Variants in LHPP observed in about 807,000 individuals in gnomAD.
The protein encoded by LHPP is hLHPP.
Under a neutral mutation model 30.3 loss-of-function variants are expected in LHPP, and 24 were observed. That is an observed-to-expected ratio of 0.79 (90% CI 0.57 to 1.11). LHPP has a LOEUF of 1.11. Ranked by LOEUF, LHPP falls within the 50% of genes most tolerant of loss-of-function variation. The pLI is 0.00. For missense variants in LHPP, 356 were observed against 367.2 expected (o/e 0.97, Z 0.25); for synonymous variants, 150 against 157.1 (o/e 0.95, Z 0.34).
intron 1 of LHPP, among the ~76,000 whole-genome samples, chr10:124,470,681 C>CAAT (rs71026092): frequency 1.9e-4 from 29 of 150,888 alleles, no homozygotes; most frequent in African/African-American, 6.8e-4. Flanking sequence ...ACAACAACAA[C>CAAT]AATAATAATA....
chr10:124,612,404 C>CA (rs1425471933), intron 6 of LHPP, among the ~76,000 whole-genome samples: 2 of 151,492 alleles, frequency 1.3e-5, no homozygotes, highest in Admixed American at 6.6e-5. Context: ...CACTTGGTCT[C>CA]AAAAAAATAA....
chr10:124,529,350 C>T (rs1341408340), intron 6 of LHPP, among the ~76,000 whole-genome samples: 9 of 151,964 alleles, frequency 5.9e-5, no homozygotes, highest in South Asian at 2.1e-4. Flanking sequence ...CCTGAAAGTG[C>T]GGGGTTATTA....
chr10:124,566,201 G>A (rs868188855), intron 6 of LHPP, among the ~76,000 whole-genome samples: 2 of 152,246 alleles, frequency 1.3e-5, no homozygotes, highest in Admixed American at 6.5e-5. Context: ...CCTGGAGACC[G>A]GGCGTGTGGT....
chr10:124,507,878 AGGCAGGATTTCAGGTCGGGG>A (rs1219749204), intron 5 of LHPP, among the ~76,000 whole-genome samples: 2 of 54,194 alleles, frequency 3.7e-5, no homozygotes, highest in South Asian at 7.7e-4. Context: ...GTGGGGGGGT[AGGCAGGATTTCAGGTCGGGG>A]GGGTAGACAG....
intron 6 of LHPP, among the ~76,000 whole-genome samples, chr10:124,587,952 G>A (rs1589697423): frequency 6.6e-6 from 1 of 152,148 alleles, no homozygotes. Context: ...AGACCCACCC[G>A]GTGGAGCTGG....
chr10:124,493,134 G>T (rs192877067), intron 3 of LHPP, among the ~76,000 whole-genome samples: 118 of 146,674 alleles, frequency 8.0e-4, no homozygotes, highest in Admixed American at 1.8e-3. Context: ...AAAAAAAACC[G>T]GAAGCAGTCG....
chr10:124,612,647 G>T (rs1159574517), intron 6 of LHPP, among the ~76,000 whole-genome samples: 1 of 152,232 alleles, frequency 6.6e-6, no homozygotes, highest in Non-Finnish European at 1.5e-5. Flanking sequence ...CTGGGGAATG[G>T]CTGAAGGCTT....
Position 124,613,533 on chromosome 10 carries a change from CCT to C in LHPP, c.*174_*175del. On this transcript the variant is annotated 3_prime_UTR_variant, in exon 7 of 7. Transcript: ENST00000368842. ...CCCCAGTGCCCAGACCAACCAAGGCCCTGACAGCCCTGCCTTCTGCCCTCTGC... is the reference window on the plus strand; with the variant it reads ...CCCCAGTGCCCAGACCAACCAAGGCCGACAGCCCTGCCTTCTGCCCTCTGC... The C allele has an allele frequency of 1.6e-6, 1 of 629,142 alleles. No individual in the cohort carries two copies. The highest frequency in any genetic ancestry group is 2.9e-6 in the Non-Finnish European group (1 of 346,152). 39.0% of individuals were successfully genotyped at this position (629,142 alleles called of 1,614,324 possible). A position where few individuals can be genotyped will look rare whatever the true frequency, so the allele number is the denominator to read the frequency against.
In LHPP at chr10:124,594,384, G is replaced by C. The variant is rs902746866; in HGVS notation, c.717-18880G>C. ...TCACTGTAGCCAAGGGAACTTAAAAGAAAAAAGTGCATGTTTAGACAGTTG... is the reference window on the plus strand; with the variant it reads ...TCACTGTAGCCAAGGGAACTTAAAACAAAAAAGTGCATGTTTAGACAGTTG... On this transcript the variant is annotated intron_variant, in intron 6 of 6. Transcript: ENST00000368842. Among the ~76,000 whole-genome samples, 4 of 129,600 alleles carry C rather than the reference G, an allele frequency of 3.1e-5. No homozygotes were observed. The East Asian group carries it at 7.3e-4, about 24-fold the overall frequency. 85.0% of individuals were successfully genotyped at this position (129,600 alleles called of 152,430 possible). A position where few individuals can be genotyped will look rare whatever the true frequency, so the allele number is the denominator to read the frequency against.
intron 6 of LHPP, among the ~76,000 whole-genome samples, chr10:124,586,771 C>CA (rs61404492): frequency 0.26 from 39,426 of 151,972 alleles, 5,221 homozygotes; most frequent in South Asian, 0.37. Flanking sequence ...TTTAATTACG[C>CA]AAAAAAATTA....
At chr10:124,483,088 T>C (rs1192685002) in intron 1 of LHPP, among the ~76,000 whole-genome samples, 1 of 152,192 alleles carries the variant, frequency 6.6e-6, no homozygotes, top group East Asian at 1.9e-4. Flanking sequence ...GCGGGTCTCC[T>C]ATGAAGTCAG....
intron 3 of LHPP, among the ~76,000 whole-genome samples, chr10:124,495,101 T>C (rs1176536075): frequency 6.6e-6 from 1 of 152,156 alleles, no homozygotes; most frequent in Non-Finnish European, 1.5e-5. Context: ...AAATGCAAAA[T>C]ATACATTTGA....
Position 124,613,379 on chromosome 10 carries a change from C to A in LHPP, c.*19C>A. The A allele has an allele frequency of 6.4e-7, 1 of 1,570,668 alleles. No individual in the cohort carries two copies. The highest frequency in any genetic ancestry group is 8.7e-7 in the Non-Finnish European group (1 of 1,144,882). On this transcript the variant is annotated 3_prime_UTR_variant, in exon 7 of 7. Coordinates refer to ENST00000368842, the MANE Select transcript of LHPP (RefSeq NM_022126.4). ...CAAGTGATGGCCTCCTGGGAGAGCC[C>A]CGCCTCCTCCACCCCTGCCTCTCCT...
intron 6 of LHPP, among the ~76,000 whole-genome samples, chr10:124,605,958 C>G (rs1949086941): frequency 6.6e-6 from 1 of 152,124 alleles, no homozygotes; most frequent in Non-Finnish European, 1.5e-5. Context: ...GTCCTGCAGC[C>G]ACATGCCTCC....
chr10:124,579,758 T>C (rs922140426), intron 6 of LHPP, among the ~76,000 whole-genome samples: 17 of 152,206 alleles, frequency 1.1e-4, no homozygotes, highest in African/African-American at 4.1e-4. Flanking sequence ...AAGTGATTCC[T>C]GTGGTCCAGG....
intron 1 of LHPP, among the ~76,000 whole-genome samples, chr10:124,483,209 G>T (rs74355223): frequency 6.6e-6 from 1 of 152,188 alleles, no homozygotes; most frequent in Admixed American, 6.5e-5. Flanking sequence ...CGGAATGTTG[G>T]TGTCCCTGAT....
intron 6 of LHPP, among the ~76,000 whole-genome samples, chr10:124,611,664 AG>A (rs1949201210): frequency 6.6e-6 from 1 of 152,042 alleles, no homozygotes; most frequent in South Asian, 2.1e-4. Flanking sequence ...GCAGTCCCTG[AG>A]GGCCAGGAGG....
At chr10:124,498,243 C>T (rs745779999) in intron 5 of LHPP, 115 bp downstream of exon 5, 48 of 1,495,222 alleles carry the variant, frequency 3.2e-5, no homozygotes, top group African/African-American at 1.5e-4. Flanking sequence ...GGCAGCCAAG[C>T]GTGGGCTCCC....
rs74160919 is a variant in LHPP, at chr10:124,525,432, C to A, written c.716+8161C>A. Among the ~76,000 whole-genome samples the A allele has an allele frequency of 4.1e-3, 626 of 152,332 alleles. 3 individuals are homozygous for A. Among genetic ancestry groups the A allele is most frequent in the African/African-American group, 0.015 (603 of 41,580 alleles). On this transcript the variant is annotated intron_variant, in intron 6 of 6. Transcript: ENST00000368842. ...GGTTTATGCCCCCACCACGGGGGGA[C>A]CCTGTTGCTCCCCGCCCCGACCATC...
Sources: gnomAD v4.1 joint callset for allele counts (sites outside exome capture counted in the v4.1 genomes callset) on GRCh38, gnomAD v4.1.1 for gene constraint, MANE v1.5 for transcripts, NCBI Gene and HGNC (gene_info 2026-07-23, HGNC 2026-07-21) for gene names.